The following PDK4 variants were observed in gnomAD, a reference collection of about 807,000 sequenced individuals.
PDK4 encodes the protein pyruvate dehydrogenase kinase, isozyme 4.
A neutral mutation model predicts 51.7 loss-of-function variants in PDK4; 43 were observed. The ratio of observed to expected loss-of-function variants is 0.83; its 90% CI spans 0.65 to 1.07. The LOEUF (loss-of-function observed/expected upper bound fraction) is 1.07. PDK4 is among the 50% of genes least tolerant of loss of function. PDK4 has a pLI of 0.00. For missense variants in PDK4, 498 were observed against 503.5 expected (o/e 0.99, Z 0.10); for synonymous variants, 170 against 176.6 (o/e 0.96, Z 0.30).
At chr7:95,592,457 T>C in intron 5 of PDK4, 54 bp downstream of exon 5, 1 of 969,082 alleles carries the variant, frequency 1.0e-6, no homozygotes, top group Non-Finnish European at 1.7e-6. Context: ...TATAGATATG[T>C]CAATCATATA....
intron 10 of PDK4, 86 bp from the exon 11 acceptor site, chr7:95,585,867 C>G (rs1791475123): frequency 8.5e-7 from 1 of 1,172,028 alleles, no homozygotes; most frequent in African/African-American, 1.5e-5. Context: ...AAAATACATT[C>G]AGAGGTAAGT....
rs767793067 is a variant in PDK4, at chr7:95,596,203, T to G, written c.91A>C (p.Ser31Arg). The change falls in exon 1 of 11, where the codon AGC becomes CGC. Residue 31 changes from serine to arginine, a missense_variant. By Grantham distance (110) the Ser-to-Arg change is moderately radical (BLOSUM62 -1). Coordinates refer to ENST00000005178, the MANE Select transcript of PDK4 (RefSeq NM_002612.4). ...TGCTTCATGGACAGCGGGGACGGGC[T>G]GTAGCGCGAGAAATGCTCCACCTCT... ...PREVEHFSRY[S>R]PSPLSMKQLL... is the part of the protein sequence containing the mutation. The G allele has an allele frequency of 2.5e-6, 4 of 1,605,076 alleles. No individual in the cohort carries two copies. In the East Asian group the frequency reaches 9.2e-5, roughly 37 times the overall value.
chr7:95,595,005 A>G lies in PDK4; in HGVS notation c.272+18T>C. On this transcript the variant is annotated intron_variant, in intron 2 of 10. Transcript: ENST00000005178. ...AACTGTTTCAAAACTAGAGACTTCA[A>G]TATGGTTCACCACTTACCAGCTTTT... 3 of 1,587,884 alleles carry G rather than the reference A, an allele frequency of 1.9e-6. No individual in the cohort carries two copies. Among genetic ancestry groups the G allele is most frequent in the South Asian group, 1.1e-5 (1 of 87,166 alleles).
At position 95,588,781 on chromosome 7, in the gene PDK4, G is replaced by A. The variant is rs917513924; in HGVS notation, c.771+859C>T. Among the ~76,000 whole-genome samples, 2 of 152,152 alleles carry A rather than the reference G, an allele frequency of 1.3e-5. 1 individual carries two copies. The highest frequency in any genetic ancestry group is 1.3e-4 in the Admixed American group (2 of 15,278). ...GGTGTTTTTCTATTTTTTGGTTTAA[G>A]TTCAATTTGATCTTAATTTAACTTA... On this transcript the variant is annotated intron_variant, in intron 7 of 10. Coordinates refer to ENST00000005178, the MANE Select transcript of PDK4 (RefSeq NM_002612.4).
chr7:95,589,944 T>C (rs1022658990), intron 6 of PDK4, among the ~76,000 whole-genome samples: 14 of 152,184 alleles, frequency 9.2e-5, no homozygotes, highest in Non-Finnish European at 1.9e-4. Context: ...AATTGTTTTT[T>C]TTTTGTAGAG....
chr7:95,586,949 A>C, intron 10 of PDK4, 61 bp downstream of exon 10: 1 of 915,396 alleles, frequency 1.1e-6, no homozygotes, highest in East Asian at 2.4e-5. Flanking sequence ...CATAGCACTC[A>C]AGGCTATAAA....
chr7:95,585,779 A>G lies in PDK4; in HGVS notation c.1098T>C (p.Ala366=). Residue 366 remains alanine, a splice_region_variant and synonymous_variant, in exon 11 of 11, where the codon GCT becomes GCC. Transcript: ENST00000005178. The stretch of plus-strand genomic sequence containing the variant: ...GTTTTTCTATAGACTCAGAAGACAA[A>G]GCCTAAAAGAAAAGGGGGGAAAAAC... ...YGTDAIIYLK[A]LSSESIEKLP... 6.3e-7 allele frequency: 1 copy of G among 1,580,884 alleles called. No homozygotes were observed. Among genetic ancestry groups the G allele is most frequent in the Non-Finnish European group, 8.7e-7 (1 of 1,155,464 alleles).
At chr7:95,590,046 G>A (rs1791532515) in intron 6 of PDK4, among the ~76,000 whole-genome samples, 1 of 152,126 alleles carries the variant, frequency 6.6e-6, no homozygotes, top group Admixed American at 6.6e-5. Flanking sequence ...GGGATGATAG[G>A]CATGAACCAC....
Position 95,587,431 on chromosome 7 carries a change from C to A in PDK4, c.968G>T (p.Arg323Leu). ...AATTGTTCTTACCAAAGGAGCATTCCGGGAATTATCCATCACAGGCGTTGG... is the reference window on the plus strand; with the variant it reads ...AATTGTTCTTACCAAAGGAGCATTCAGGGAATTATCCATCACAGGCGTTGG... Reference protein sequence around the residue: ...TAPTPVMDNSRNAPLAGFGYG... With the variant: ...TAPTPVMDNSLNAPLAGFGYG... The change falls in exon 9 of 11, where the codon CGG (arginine) becomes CTG (leucine). Residue 323 changes from arginine (R) to leucine (L), a missense_variant. Coordinates refer to ENST00000005178, the MANE Select transcript of PDK4 (RefSeq NM_002612.4). 2 of 1,594,244 alleles carry A rather than the reference C, an allele frequency of 1.3e-6. No individual in the cohort carries two copies. Among genetic ancestry groups the A allele is most frequent in the Non-Finnish European group, 1.7e-6 (2 of 1,161,928 alleles).
rs1455595069 is a variant in PDK4, at chr7:95,584,569, C to G, written c.*1072G>C. 1 of 152,148 alleles carries G rather than the reference C, an allele frequency of 6.6e-6. No individual in the cohort carries two copies. Among genetic ancestry groups the G allele is most frequent in the Non-Finnish European group, 1.5e-5 (1 of 68,020 alleles). 9.4% of individuals were successfully genotyped at this position (152,148 alleles called of 1,614,324 possible). A position where few individuals can be genotyped will look rare whatever the true frequency, so the allele number is the denominator to read the frequency against. On this transcript the variant is annotated 3_prime_UTR_variant, in exon 11 of 11. Coordinates refer to ENST00000005178, the MANE Select transcript of PDK4 (RefSeq NM_002612.4). Reference sequence around the variant, plus strand: ...AATTACTCTAAAAGGTACTTAAATTCTAATGTTCTTGAGCCATTTGAGAAT... The same window carrying G: ...AATTACTCTAAAAGGTACTTAAATTGTAATGTTCTTGAGCCATTTGAGAAT...
intron 2 of PDK4, among the ~76,000 whole-genome samples, chr7:95,594,430 G>T (rs909360164): frequency 2.0e-5 from 3 of 149,508 alleles, no homozygotes; most frequent in African/African-American, 7.4e-5. Flanking sequence ...GTCCTAAGTG[G>T]TTTTTTTTTT....
At chr7:95,595,219 TCTAA>T in intron 1 of PDK4, 55 bp from the exon 2 acceptor site, 1 of 1,192,484 alleles carries the variant, frequency 8.4e-7, no homozygotes, top group Non-Finnish European at 1.2e-6. Context: ...AAATGATATA[TCTAA>T]ATAGCATTAA....
chr7:95,587,106 G>A lies in PDK4; in HGVS notation c.999C>T (p.Gly333=). ...TTGCATACAGACGAGAAATTGGCAA[G>A]CCGTAACCAAAACCAGCCTAGAGAA... ...RNAPLAGFGY[G]LPISRLYAKY... is the part of the protein sequence containing the mutation. Residue 333 remains glycine, a synonymous_variant, in exon 10 of 11, where the codon GGC becomes GGT. Coordinates refer to ENST00000005178, the MANE Select transcript of PDK4 (RefSeq NM_002612.4). 2 of 1,609,586 alleles carry A rather than the reference G, an allele frequency of 1.2e-6. No individual in the cohort carries two copies. Among genetic ancestry groups the A allele is most frequent in the Non-Finnish European group, 1.7e-6 (2 of 1,176,086 alleles).
chr7:95,591,129 T>C (rs1022776583), intron 6 of PDK4, among the ~76,000 whole-genome samples: 4 of 152,108 alleles, frequency 2.6e-5, no homozygotes, highest in Non-Finnish European at 4.4e-5. Context: ...AGAGACAGTG[T>C]CTCCCTTTAT....
intron 7 of PDK4, among the ~76,000 whole-genome samples, chr7:95,589,014 C>T (rs1202742319): frequency 6.6e-6 from 1 of 152,234 alleles, no homozygotes; most frequent in African/African-American, 2.4e-5. Context: ...ACTCTACAGG[C>T]CTGCTAGGCA....
At chr7:95,596,060 C>T (rs1791615466) in intron 1 of PDK4, 104 bp downstream of exon 1, 7 of 1,257,612 alleles carry the variant, frequency 5.6e-6, no homozygotes, top group East Asian at 2.8e-5. Context: ...GCAAAGTGAA[C>T]CCCAGTTGTT....
At chr7:95,591,714 T>C (rs1318635393) in intron 6 of PDK4, among the ~76,000 whole-genome samples, 1 of 152,216 alleles carries the variant, frequency 6.6e-6, no homozygotes, top group Non-Finnish European at 1.5e-5. Flanking sequence ...AATCTTTCTT[T>C]GATCTAAGAT....
rs1465375816 is a variant in PDK4 at position 95,595,178 on chromosome 7, A to G, written c.131-14T>C. ...CATTTTCTGAACCTATAATAAATGA[A>G]ATCAATTTAGTTTTGAGAAAAAGTG... On this transcript the variant is annotated splice_polypyrimidine_tract_variant and intron_variant, in intron 1 of 10. Coordinates refer to ENST00000005178, the MANE Select transcript of PDK4 (RefSeq NM_002612.4). The G allele has an allele frequency of 6.2e-7, 1 of 1,600,088 alleles. No homozygotes were observed. Among genetic ancestry groups the G allele is most frequent in the South Asian group, 1.1e-5 (1 of 90,440 alleles).
chr7:95,590,006 G>A (rs1456946837), intron 6 of PDK4, among the ~76,000 whole-genome samples: 1 of 152,016 alleles, frequency 6.6e-6, no homozygotes, highest in African/African-American at 2.4e-5. Context: ...GGCCTCAAGC[G>A]ATCCTCCAGC....
Sources: gnomAD v4.1 joint callset for allele counts (sites outside exome capture counted in the v4.1 genomes callset) on GRCh38, gnomAD v4.1.1 for gene constraint, MANE v1.5 for transcripts, NCBI Gene and HGNC (gene_info 2026-07-23, HGNC 2026-07-21) for gene names.